ZPBP: variants seen among roughly 807,000 people sequenced by gnomAD.
ZPBP encodes the protein zona pellucida binding protein, also known as zona pellucida-binding protein 1.
A neutral mutation model predicts 44.8 loss-of-function variants in ZPBP; 26 were observed. The observed-to-expected ratio is 0.58, with a 90% CI of 0.43 to 0.81. The LOEUF is 0.81. Ranked by LOEUF, ZPBP falls within the 30% of genes least tolerant of loss-of-function variation. The pLI is 0.00. For missense variants in ZPBP, 409 were observed against 434.0 expected (o/e 0.94, Z 0.51); for synonymous variants, 174 against 153.2 (o/e 1.14, Z -1.00).
At chr7:49,965,338 G>A (rs548809931) in intron 7 of ZPBP, among the ~76,000 whole-genome samples, 1 of 152,088 alleles carries the variant, frequency 6.6e-6, no homozygotes, top group Admixed American at 6.6e-5. Flanking sequence ...AAAGTGAAAA[G>A]ACAGAGGAGG....
chr7:49,972,213 T>C (rs1379546287), intron 7 of ZPBP, among the ~76,000 whole-genome samples: 4 of 151,400 alleles, frequency 2.6e-5, no homozygotes, highest in African/African-American at 4.8e-5. Flanking sequence ...TCCTCACTTA[T>C]ATTTAACATA....
chr7:50,089,581 CA>C (rs780705976), intron 2 of ZPBP, 47 bp downstream of exon 2: 2 of 1,370,316 alleles, frequency 1.5e-6, no homozygotes, highest in Non-Finnish European at 1.0e-6. Flanking sequence ...TAAATTTAAA[CA>C]AATGCTAATA....
intron 7 of ZPBP, among the ~76,000 whole-genome samples, chr7:49,979,367 G>C (rs1796673624): frequency 6.6e-6 from 1 of 151,990 alleles, no homozygotes; most frequent in Admixed American, 6.6e-5. Flanking sequence ...CGTGGGCAGA[G>C]ATCAAATATT....
Position 50,013,237 on chromosome 7 carries a change from T to TA in ZPBP, c.783+5002dup, listed in dbSNP as rs1287874571. On this transcript the variant is annotated intron_variant, in intron 6 of 7. Transcript: ENST00000046087. ...AAATTATTTTACAGTATAGTTGTTA[T>TA]AATGTCACTTGATGTATGAAGTTGA... Among the ~76,000 whole-genome samples the TA allele has an allele frequency of 4.6e-5, 7 of 152,048 alleles. No homozygotes were observed. The East Asian group carries it at 1.3e-3, about 29-fold the overall frequency.
intron 6 of ZPBP, among the ~76,000 whole-genome samples, chr7:49,986,152 T>G (rs1364918781): frequency 6.6e-6 from 1 of 152,172 alleles, no homozygotes; most frequent in Non-Finnish European, 1.5e-5. Context: ...GTGAGTAAAA[T>G]GCAGATCAAA....
At chr7:50,020,348 C>T (rs2128806701) in intron 5 of ZPBP, among the ~76,000 whole-genome samples, 1 of 152,142 alleles carries the variant, frequency 6.6e-6, no homozygotes, top group Middle Eastern at 3.4e-3. Context: ...TCAGAAACCA[C>T]AAAATAGAAT....
chr7:50,063,372 CACT>C (rs1478123539), intron 3 of ZPBP, among the ~76,000 whole-genome samples: 2 of 152,182 alleles, frequency 1.3e-5, no homozygotes, highest in African/African-American at 4.8e-5. Context: ...TAGAAAGCAC[CACT>C]ATTTGCCATC....
intron 7 of ZPBP, among the ~76,000 whole-genome samples, chr7:49,976,867 C>A (rs1042110792): frequency 3.3e-5 from 5 of 151,874 alleles, no homozygotes; most frequent in Non-Finnish European, 7.4e-5. Flanking sequence ...CTCTGGGAGG[C>A]GGAGGCGGGC....
intron 7 of ZPBP, among the ~76,000 whole-genome samples, chr7:49,975,487 T>C (rs920313728): frequency 1.2e-4 from 19 of 152,194 alleles, no homozygotes; most frequent in African/African-American, 4.6e-4. Flanking sequence ...TCACTCTCCC[T>C]CTCATGTACT....
At chr7:49,953,968 C>A (rs1340063979) in intron 7 of ZPBP, among the ~76,000 whole-genome samples, 1 of 151,932 alleles carries the variant, frequency 6.6e-6, no homozygotes, top group Non-Finnish European at 1.5e-5. Context: ...CCCTCAAATT[C>A]ATATGGAATT....
At chr7:50,032,678 T>C (rs1349589483) in intron 4 of ZPBP, among the ~76,000 whole-genome samples, 1 of 152,206 alleles carries the variant, frequency 6.6e-6, no homozygotes. Context: ...TAAAACTGTC[T>C]TCTTAACCGA....
downstream of ZPBP, chr7:49,935,670 T>C (rs1228816826): frequency 6.6e-6 from 1 of 152,404 alleles, no homozygotes; most frequent in East Asian, 1.9e-4. Context: ...GAGCTGGGAT[T>C]ACAGGCGTGA....
At chr7:50,002,843 A>G (rs973491073) in intron 6 of ZPBP, among the ~76,000 whole-genome samples, 1 of 152,212 alleles carries the variant, frequency 6.6e-6, no homozygotes, top group Non-Finnish European at 1.5e-5. Context: ...AGGAACATTT[A>G]TAAGAATATC....
chr7:49,924,234 G>C (rs909576832), intron 1 of ZPBP, among the ~76,000 whole-genome samples: 16 of 151,848 alleles, frequency 1.1e-4, no homozygotes, highest in African/African-American at 3.1e-4. Context: ...ATAATTTATA[G>C]GGTAATTTTT....
intron 7 of ZPBP, among the ~76,000 whole-genome samples, chr7:49,965,033 ACAGT>A: frequency 6.6e-6 from 1 of 152,266 alleles, no homozygotes; most frequent in Middle Eastern, 3.4e-3. Context: ...TGACAGGCTG[ACAGT>A]CAGAAGAAAC....
intron 3 of ZPBP, among the ~76,000 whole-genome samples, chr7:50,062,622 G>A (rs902546436): frequency 1.1e-4 from 16 of 152,180 alleles, no homozygotes; most frequent in Admixed American, 3.3e-4. Flanking sequence ...GCCTAGCCAC[G>A]TGCACAAGAT....
At chr7:50,066,021 T>C (rs189547170) in intron 3 of ZPBP, among the ~76,000 whole-genome samples, 2 of 151,222 alleles carry the variant, frequency 1.3e-5, no homozygotes, top group Non-Finnish European at 3.0e-5. Flanking sequence ...TGAATATAAG[T>C]GTTGGAGCTG....
intron 1 of ZPBP, among the ~76,000 whole-genome samples, chr7:49,932,257 G>A (rs1167852473): frequency 1.3e-5 from 2 of 152,214 alleles, no homozygotes; most frequent in Non-Finnish European, 2.9e-5. Flanking sequence ...ACCACCAACA[G>A]ATTGCACCAT....
intron 2 of ZPBP, among the ~76,000 whole-genome samples, chr7:49,871,230 C>T (rs1791135806): frequency 6.6e-6 from 1 of 152,162 alleles, no homozygotes; most frequent in Non-Finnish European, 1.5e-5. Context: ...AGGCTTCTTA[C>T]AGCCTTCCAT....
Sources: allele counts gnomAD v4.1 joint callset (sites outside exome capture counted in the v4.1 genomes callset), GRCh38; gene constraint gnomAD v4.1.1; transcripts MANE v1.5; gene names NCBI Gene and HGNC (gene_info 2026-07-23, HGNC 2026-07-21).